The following POSTN variants were observed in gnomAD, a reference collection of about 807,000 sequenced individuals.
The protein encoded by POSTN is osteoblast specific factor 2 (fasciclin I-like).
POSTN carries 71 observed loss-of-function variants against 104.5 expected under a neutral mutation model. The observed-to-expected ratio is 0.68, with a 90% CI of 0.56 to 0.83. The LOEUF is 0.83. Ranked by LOEUF, POSTN falls within the 40% of genes least tolerant of loss-of-function variation. The pLI, the probability that POSTN is intolerant of heterozygous loss-of-function variation, is 0.00. For missense variants in POSTN, 949 were observed against 1,006.8 expected (o/e 0.94, Z 0.78); for synonymous variants, 355 against 340.7 (o/e 1.04, Z -0.46).
chr13:37,569,411 A>AT, intron 20 of POSTN, 28 bp from the exon 21 acceptor site: 1 of 1,534,768 alleles, frequency 6.5e-7, no homozygotes, highest in East Asian at 2.3e-5. Flanking sequence ...TATAGCAGAA[A>AT]TTGGTTTATA....
At chr13:37,587,238 A>G (rs1290632501) in intron 5 of POSTN, among the ~76,000 whole-genome samples, 1 of 152,176 alleles carries the variant, frequency 6.6e-6, no homozygotes, top group East Asian at 1.9e-4. Context: ...TAAACTTTTT[A>G]ATGTGGGTCA....
chr13:37,586,535 T>C (rs966087838), intron 6 of POSTN, among the ~76,000 whole-genome samples: 5 of 152,206 alleles, frequency 3.3e-5, no homozygotes, highest in Admixed American at 6.5e-5. Flanking sequence ...TAATAACAGA[T>C]GAACACGTTC....
intron 2 of POSTN, among the ~76,000 whole-genome samples, chr13:37,596,190 A>G (rs1274752374): frequency 6.6e-6 from 1 of 152,158 alleles, no homozygotes; most frequent in African/African-American, 2.4e-5. Flanking sequence ...CTGAATTTTA[A>G]TGCTGATGTA....
chr13:37,562,883 T>C lies in POSTN; in HGVS notation c.*450A>G, dbSNP rs1949972242. 1 of 152,540 alleles carries C rather than the reference T, an allele frequency of 6.6e-6. No individual in the cohort carries two copies. Among genetic ancestry groups the C allele is most frequent in the Non-Finnish European group, 1.5e-5 (1 of 68,278 alleles). The allele number at this position is 152,540 out of a possible 1,614,324, so 9.4% of individuals were successfully genotyped here. On this transcript the variant is annotated 3_prime_UTR_variant, in exon 23 of 23. Coordinates refer to ENST00000379747, the MANE Select transcript of POSTN (RefSeq NM_006475.3). ...CAAAGCCTTTTGATATAAAAAGTTT[T>C]GTACACCAAGCACCTATTTTTATAA...
intron 19 of POSTN, among the ~76,000 whole-genome samples, chr13:37,570,240 G>A (rs561531458): frequency 1.6e-4 from 24 of 151,878 alleles, no homozygotes; most frequent in Non-Finnish European, 2.8e-4. Flanking sequence ...AAGATTAATG[G>A]AAGCTCAAAT....
At chr13:37,594,271 A>G (rs1951021300) in intron 2 of POSTN, among the ~76,000 whole-genome samples, 1 of 152,154 alleles carries the variant, frequency 6.6e-6, no homozygotes, top group Non-Finnish European at 1.5e-5. Context: ...AAAATAGTGA[A>G]TAGAAAAGGA....
At chr13:37,588,459 T>G (rs989856833) in intron 4 of POSTN, among the ~76,000 whole-genome samples, 1 of 152,212 alleles carries the variant, frequency 6.6e-6, no homozygotes, top group East Asian at 1.9e-4. Flanking sequence ...TGTCATATTA[T>G]GCTTTACTCA....
At chr13:37,581,222 C>A (rs1022984490) in intron 10 of POSTN, among the ~76,000 whole-genome samples, 2 of 152,118 alleles carry the variant, frequency 1.3e-5, no homozygotes, top group Non-Finnish European at 2.9e-5. Flanking sequence ...AAGTGCAGCA[C>A]ATTTAATGCA....
intron 2 of POSTN, among the ~76,000 whole-genome samples, chr13:37,593,015 T>C (rs977998048): frequency 6.7e-6 from 1 of 149,972 alleles, no homozygotes; most frequent in African/African-American, 2.5e-5. Context: ...TTATATTATA[T>C]ATAAACTTTA....
chr13:37,570,078 GA>G (rs1245951237), intron 19 of POSTN, among the ~76,000 whole-genome samples: 2 of 151,876 alleles, frequency 1.3e-5, no homozygotes, highest in African/African-American at 4.8e-5. Context: ...AATACTTAAA[GA>G]ATAGCTGAAT....
intron 17 of POSTN, among the ~76,000 whole-genome samples, chr13:37,573,338 C>T (rs1950309517): frequency 1.3e-5 from 2 of 151,064 alleles, no homozygotes; most frequent in Admixed American, 6.6e-5. Flanking sequence ...TTAATTTCTT[C>T]TTAAAATACC....
At position 37,583,139 on chromosome 13, in the gene POSTN, G is replaced by A. The variant is rs146066148; in HGVS notation, c.1244-625C>T. Among the ~76,000 whole-genome samples, 255 of 152,176 alleles carry A rather than the reference G, an allele frequency of 1.7e-3. 2 individuals are homozygous for A. The highest frequency in any genetic ancestry group is 5.9e-3 in the African/African-American group (247 of 41,516). On this transcript the variant is annotated intron_variant, in intron 9 of 22. Transcript: ENST00000379747. ...CTGTGAAATCATTTTCCTGAGAAAG[G>A]TCGAAGGTTGCATGAATCTGAACAT...
intron 21 of POSTN, among the ~76,000 whole-genome samples, chr13:37,566,134 G>A (rs985570268): frequency 6.6e-6 from 1 of 152,144 alleles, no homozygotes; most frequent in Non-Finnish European, 1.5e-5. Context: ...AGAACAGCTT[G>A]ATTAATGTGT....
At chr13:37,577,462 C>G (rs1566018010) in intron 16 of POSTN, among the ~76,000 whole-genome samples, 1 of 152,188 alleles carries the variant, frequency 6.6e-6, no homozygotes, top group Non-Finnish European at 1.5e-5. Flanking sequence ...TTTTCGCCAT[C>G]TCTTCCCTTT....
chr13:37,572,731 C>T (rs1381854164), intron 17 of POSTN, among the ~76,000 whole-genome samples: 2 of 151,470 alleles, frequency 1.3e-5, no homozygotes, highest in African/African-American at 2.4e-5. Context: ...TTCCAAAATG[C>T]TGTTATGTAT....
intron 21 of POSTN, chr13:37,565,606 A>G (rs1950074876): frequency 6.6e-6 from 1 of 152,078 alleles, no homozygotes; most frequent in African/African-American, 2.4e-5. Flanking sequence ...CAACTTATAT[A>G]TTCTGTTTCT....
At chr13:37,564,373 A>C in intron 22 of POSTN, 146 bp downstream of exon 22, 1 of 553,550 alleles carries the variant, frequency 1.8e-6, no homozygotes, top group South Asian at 2.8e-5. Context: ...TTGTTATCAA[A>C]ATTGTTTTCA....
rs1950529352 is a variant in POSTN at position 37,579,962 on chromosome 13, T to C, written c.1559A>G (p.Asp520Gly). Residue 520 changes from aspartate to glycine, a missense_variant, in exon 12 of 23, where the codon GAC (aspartate) becomes GGC (glycine). Asp to Gly is a moderately conservative substitution (Grantham distance 94). Transcript: ENST00000379747. Reference protein sequence around the residue: ...STFLSLLEAADLKELLTQPGD... With the variant: ...STFLSLLEAAGLKELLTQPGD... ...AGGTTGTGTCAGGAGCTCTTTCAAG[T>C]CTGCAGCTTCAAGTAGGCTGAGGAA... 3 of 1,613,684 alleles carry C rather than the reference T, an allele frequency of 1.9e-6. No homozygotes were observed. Among genetic ancestry groups the C allele is most frequent in the African/African-American group, 2.7e-5 (2 of 75,034 alleles).
intron 9 of POSTN, among the ~76,000 whole-genome samples, chr13:37,582,787 T>C (rs1950632871): frequency 6.6e-6 from 1 of 152,240 alleles, no homozygotes; most frequent in African/African-American, 2.4e-5. Context: ...CATAGTTTTA[T>C]AGTGGTCACT....
Sources: allele counts gnomAD v4.1 joint callset (sites outside exome capture counted in the v4.1 genomes callset), GRCh38; gene constraint gnomAD v4.1.1; transcripts MANE v1.5; gene names NCBI Gene and HGNC (gene_info 2026-07-23, HGNC 2026-07-21).